METTL6: variants seen among roughly 807,000 people sequenced by gnomAD.
The protein encoded by METTL6 is methyltransferase 6, tRNA N3-cytidine.
A neutral mutation model predicts 26.4 loss-of-function variants in METTL6; 22 were observed. The ratio of observed to expected loss-of-function variants is 0.83; its 90% CI spans 0.59 to 1.19. METTL6 has a LOEUF of 1.19. METTL6 is among the 50% of genes most tolerant of loss of function. METTL6 has a pLI of 0.00. For synonymous variants in METTL6, 109 were observed against 116.2 expected, an observed-to-expected ratio of 0.94 and a Z score of 0.40; for missense variants, 304 against 324.8, an observed-to-expected ratio of 0.94 and a Z score of 0.49.
chr3:15,387,684 C>A (rs140642997), intron 6 of METTL6, among the ~76,000 whole-genome samples: 21 of 152,078 alleles, frequency 1.4e-4, no homozygotes, highest in African/African-American at 4.8e-4. Context: ...ACTTATATAG[C>A]CTTATTTGAG....
rs990215693 is a variant in METTL6, at chr3:15,425,892, A to G, written c.225+395T>C. On this transcript the variant is annotated intron_variant, in intron 2 of 5. Transcript: ENST00000383790. The stretch of plus-strand genomic sequence containing the variant: ...CGCAAAGCATTTTGATAGGCTTCTT[A>G]AATTCTCTACTTCGCACTCTCCCTA... Among the ~76,000 whole-genome samples, 14 of 152,354 alleles carry G rather than the reference A, an allele frequency of 9.2e-5. No individual in the cohort carries two copies. The South Asian group carries it at 2.9e-3, about 32-fold the overall frequency.
At chr3:15,397,273 C>A (rs969572813) in intron 6 of METTL6, among the ~76,000 whole-genome samples, 1 of 152,226 alleles carries the variant, frequency 6.6e-6, no homozygotes, top group Non-Finnish European at 1.5e-5. Flanking sequence ...GGGCGTAGGA[C>A]CCTCCGAGCC....
chr3:15,406,363 T>C (rs184829017), downstream of METTL6, among the ~76,000 whole-genome samples: 24 of 151,580 alleles, frequency 1.6e-4, no homozygotes, highest in African/African-American at 4.4e-4. Flanking sequence ...CCAGCGAGAA[T>C]GAACACAAGA....
intron 3 of METTL6, among the ~76,000 whole-genome samples, chr3:15,421,249 T>C (rs1336361771): frequency 6.6e-6 from 1 of 152,226 alleles, no homozygotes; most frequent in Non-Finnish European, 1.5e-5. Context: ...CAACATATAA[T>C]AATATAATTA....
At chr3:15,396,278 G>A (rs372192633) in intron 6 of METTL6, among the ~76,000 whole-genome samples, 5 of 152,050 alleles carry the variant, frequency 3.3e-5, no homozygotes, top group African/African-American at 1.2e-4. Context: ...CCAGTTGATT[G>A]AATCGGCTAC....
Position 15,410,384 on chromosome 3 carries a change from G to A in METTL6, c.*872C>T, listed in dbSNP as rs1002387037. Among the ~76,000 whole-genome samples the A allele has an allele frequency of 8.6e-5, 13 of 151,404 alleles. No individual in the cohort carries two copies. The South Asian group carries it at 2.7e-3, about 32-fold the overall frequency. On this transcript the variant is annotated 3_prime_UTR_variant, in exon 6 of 6. Transcript: ENST00000383790. ...GTCGCCCAGGCTGGAGTGCAGTAGC[G>A]TGATCTCGACTTACTGCAACCTCCA...
chr3:15,424,657 G>A (rs2061679567), intron 3 of METTL6, among the ~76,000 whole-genome samples: 1 of 152,188 alleles, frequency 6.6e-6, no homozygotes. Flanking sequence ...CAAACATTTA[G>A]GAGTGAAATG....
intron 6 of METTL6, among the ~76,000 whole-genome samples, chr3:15,403,856 G>C (rs754410228): frequency 1.3e-5 from 2 of 152,044 alleles, no homozygotes; most frequent in Non-Finnish European, 2.9e-5. Context: ...TGCTAAACAA[G>C]GGGTGGATTA....
At chr3:15,412,074 C>T (rs550215206) in intron 5 of METTL6, among the ~76,000 whole-genome samples, 3 of 152,078 alleles carry the variant, frequency 2.0e-5, no homozygotes, top group Admixed American at 6.6e-5. Flanking sequence ...CGATTATATT[C>T]CTTTTTAAAA....
chr3:15,387,086 T>C (rs954603616), intron 6 of METTL6, among the ~76,000 whole-genome samples: 9 of 152,164 alleles, frequency 5.9e-5, no homozygotes, highest in Non-Finnish European at 4.4e-5. Context: ...GCATGAGCCA[T>C]GGTGCCCAGT....
At chr3:15,420,897 T>C (rs1044462194) in intron 3 of METTL6, among the ~76,000 whole-genome samples, 3 of 152,246 alleles carry the variant, frequency 2.0e-5, no homozygotes, top group African/African-American at 7.2e-5. Context: ...GCCAGAATGT[T>C]CGTTCCTATT....
At chr3:15,401,614 G>A (rs189389370) in intron 6 of METTL6, among the ~76,000 whole-genome samples, 94 of 151,214 alleles carry the variant, frequency 6.2e-4, no homozygotes, top group African/African-American at 2.2e-3. Context: ...GACTGGTTGC[G>A]GTAAAGAAGC....
intron 3 of METTL6, among the ~76,000 whole-genome samples, chr3:15,423,610 C>T (rs1046479854): frequency 5.3e-5 from 8 of 152,144 alleles, no homozygotes; most frequent in African/African-American, 1.7e-4. Context: ...CCATGGCTCA[C>T]GCCTGTAATC....
At chr3:15,390,771 C>T (rs1365647379) in intron 6 of METTL6, among the ~76,000 whole-genome samples, 1 of 152,232 alleles carries the variant, frequency 6.6e-6, no homozygotes, top group Admixed American at 6.5e-5. Flanking sequence ...AGCCCCTGCC[C>T]TCTCAACACC....
chr3:15,421,735 C>A (rs1265257845), intron 3 of METTL6, among the ~76,000 whole-genome samples: 1 of 152,030 alleles, frequency 6.6e-6, no homozygotes, highest in Non-Finnish European at 1.5e-5. Context: ...CATAGTGAAA[C>A]CCTGTCTGTA....
intron 3 of METTL6, among the ~76,000 whole-genome samples, chr3:15,418,117 T>A (rs964566884): frequency 6.6e-6 from 1 of 152,180 alleles, no homozygotes; most frequent in Non-Finnish European, 1.5e-5. Context: ...TCCCTCAGTA[T>A]CTACTGGCCC....
chr3:15,409,153 T>C (rs1263228279), downstream of METTL6, among the ~76,000 whole-genome samples: 2 of 152,190 alleles, frequency 1.3e-5, no homozygotes, highest in Admixed American at 6.5e-5. Flanking sequence ...CCCTGCTGCC[T>C]GCCCCTCTTC....
chr3:15,417,486 A>AATAAATAAATAAATAG lies in METTL6; in HGVS notation c.361-1545_361-1544insCTATTTATTTATTTAT, dbSNP rs574695685. On this transcript the variant is annotated intron_variant, in intron 3 of 5. Coordinates refer to ENST00000383790, the MANE Select transcript of METTL6 (RefSeq NM_152396.4). ...AAATAAATAAATAAATAAATAAATA[A>AATAAATAAATAAATAG]AATAGAATGAAGAATAATAAAGGAG... is the stretch of plus-strand genomic sequence containing the variant. 8.4e-4 allele frequency among the ~76,000 whole-genome samples: 127 copies of AATAAATAAATAAATAG among 150,960 alleles called. 1 individual carries two copies. Among genetic ancestry groups the AATAAATAAATAAATAG allele is most frequent in the Admixed American group, 1.4e-3 (21 of 15,172 alleles).
intron 4 of METTL6, among the ~76,000 whole-genome samples, chr3:15,415,141 T>C (rs1238931022): frequency 2.0e-5 from 3 of 152,214 alleles, no homozygotes; most frequent in South Asian, 2.1e-4. Flanking sequence ...TCTCATTTCA[T>C]TGTGCCACAA....
Sources: allele counts gnomAD v4.1 joint callset (sites outside exome capture counted in the v4.1 genomes callset), GRCh38; gene constraint gnomAD v4.1.1; transcripts MANE v1.5; gene names NCBI Gene and HGNC (gene_info 2026-07-23, HGNC 2026-07-21).